Variants in CDH23 observed in about 807,000 individuals in gnomAD.
CDH23 encodes cadherin related 23, also known as cadherin-23.
A neutral mutation model predicts 317.1 loss-of-function variants in CDH23; 189 were observed. That is an observed-to-expected ratio of 0.60 (90% CI 0.53 to 0.67). The LOEUF (loss-of-function observed/expected upper bound fraction) is 0.67, where lower values mean the gene tolerates loss of function less well. CDH23 is among the 30% of genes least tolerant of loss of function. The probability of loss-of-function intolerance (pLI) is 0.00; values close to 1 mark genes in which losing one functional copy is unlikely to be tolerated. For synonymous variants in CDH23, 1,839 were observed against 1,876.8 expected (o/e 0.98, Z 0.52); for missense variants, 4,401 against 4,592.4 (o/e 0.96, Z 1.20).
chr10:71,469,048 A>G (rs1025307980), intron 3 of CDH23, among the ~76,000 whole-genome samples: 3 of 151,940 alleles, frequency 2.0e-5, no homozygotes, highest in Admixed American at 2.0e-4. Flanking sequence ...CCTAACACAC[A>G]ACCCTCCTGG....
At chr10:71,685,502 G>A (rs140535138) in intron 18 of CDH23, among the ~76,000 whole-genome samples, 29 of 152,302 alleles carry the variant, frequency 1.9e-4, no homozygotes, top group Non-Finnish European at 3.5e-4. Context: ...GTGACCAGCA[G>A]CCTCCCTCCC....
intron 16 of CDH23, 73 bp from the exon 17 acceptor site, chr10:71,679,314 C>G: frequency 4.4e-6 from 3 of 682,384 alleles, no homozygotes; most frequent in Non-Finnish European, 7.9e-6. Context: ...TCCCCACCCT[C>G]CCAGCTGCCC....
At chr10:71,593,368 T>C (rs1859628332) in intron 9 of CDH23, among the ~76,000 whole-genome samples, 1 of 152,074 alleles carries the variant, frequency 6.6e-6, no homozygotes, top group South Asian at 2.1e-4. Context: ...ACGTAAAATA[T>C]AAAGCTCATA....
intron 47 of CDH23, among the ~76,000 whole-genome samples, chr10:71,792,844 AAAAAAAAAATAT>A (rs1354901472): frequency 1.0e-4 from 7 of 70,076 alleles, no homozygotes; most frequent in East Asian, 1.3e-3. Flanking sequence ...AAAAAAAAAA[AAAAAAAAAATAT>A]ATATATATAT....
intron 38 of CDH23, among the ~76,000 whole-genome samples, chr10:71,768,068 T>C (rs1180478443): frequency 6.6e-6 from 1 of 152,248 alleles, no homozygotes; most frequent in Admixed American, 6.5e-5. Flanking sequence ...TTCTATGCTG[T>C]GAAGACGTCC....
intron 42 of CDH23, among the ~76,000 whole-genome samples, 192 bp from the exon 43 acceptor site, chr10:71,784,699 A>G (rs1032548097): frequency 2.2e-4 from 33 of 149,528 alleles, no homozygotes; most frequent in African/African-American, 7.9e-4. Flanking sequence ...TTCCCTCATC[A>G]TCCTCTTTTC....
At chr10:71,667,161 C>T (rs1182441274) in intron 14 of CDH23, among the ~76,000 whole-genome samples, 1 of 152,166 alleles carries the variant, frequency 6.6e-6, no homozygotes, top group East Asian at 1.9e-4. Flanking sequence ...AAGCCCCGTG[C>T]GGGGCATTCC....
At chr10:71,546,257 T>C (rs1856274194) in intron 6 of CDH23, among the ~76,000 whole-genome samples, 1 of 152,174 alleles carries the variant, frequency 6.6e-6, no homozygotes, top group Non-Finnish European at 1.5e-5. Context: ...CCAAAGCATC[T>C]TCCTCTCTAC....
At chr10:71,478,664 T>G (rs1247916842) in intron 3 of CDH23, among the ~76,000 whole-genome samples, 1 of 152,082 alleles carries the variant, frequency 6.6e-6, no homozygotes, top group African/African-American at 2.4e-5. Flanking sequence ...GGGGTCTGGA[T>G]CCCATGCCTC....
intron 11 of CDH23, among the ~76,000 whole-genome samples, chr10:71,643,310 G>T (rs1862655433): frequency 1.3e-5 from 2 of 152,196 alleles, no homozygotes. Context: ...GGGCTCAGGG[G>T]GAGAGGGAGA....
At chr10:71,638,334 C>T (rs1296414398) in intron 11 of CDH23, among the ~76,000 whole-genome samples, 2 of 152,148 alleles carry the variant, frequency 1.3e-5, no homozygotes, top group African/African-American at 2.4e-5. Flanking sequence ...ACAAACATCC[C>T]GGAGAGGCAA....
intron 11 of CDH23, among the ~76,000 whole-genome samples, chr10:71,629,354 A>G (rs1336610917): frequency 6.6e-6 from 1 of 152,204 alleles, no homozygotes; most frequent in Non-Finnish European, 1.5e-5. Context: ...GCCTGGGTGA[A>G]GTGAGAGGGC....
chr10:71,762,136 G>A, intron 38 of CDH23: 1 of 1,296,486 alleles, frequency 7.7e-7, no homozygotes, highest in Non-Finnish European at 1.0e-6. Flanking sequence ...ACAGGCCAGG[G>A]GCATGTCAGC....
At chr10:71,501,947 A>T (rs1051365560) in intron 3 of CDH23, among the ~76,000 whole-genome samples, 8 of 152,212 alleles carry the variant, frequency 5.3e-5, no homozygotes, top group Admixed American at 4.6e-4. Flanking sequence ...AACCCTGGCC[A>T]TACCCGTGGC....
intron 28 of CDH23, among the ~76,000 whole-genome samples, chr10:71,719,042 C>T (rs778295110): frequency 2.0e-5 from 3 of 151,970 alleles, no homozygotes; most frequent in South Asian, 2.1e-4. Flanking sequence ...CATGCCACTG[C>T]GCTACAGCCT....
chr10:71,766,083 C>T (rs1479273163), intron 38 of CDH23, among the ~76,000 whole-genome samples: 2 of 152,236 alleles, frequency 1.3e-5, no homozygotes, highest in African/African-American at 4.8e-5. Context: ...GCGGACTCCA[C>T]ATCTGTGCAC....
chr10:71,692,295 C>T (rs1865213078), intron 20 of CDH23, among the ~76,000 whole-genome samples: 1 of 152,216 alleles, frequency 6.6e-6, no homozygotes. Flanking sequence ...GCCCTTGCCT[C>T]CCCAGTCGGG....
At chr10:71,712,957 G>C (rs934203614) in intron 28 of CDH23, 144 bp downstream of exon 28, 14 of 984,464 alleles carry the variant, frequency 1.4e-5, no homozygotes, top group Non-Finnish European at 2.0e-5. Flanking sequence ...AGGTGCTGTG[G>C]GGAAAGGGGG....
chr10:71,622,746 C>T (rs912789128), intron 11 of CDH23, among the ~76,000 whole-genome samples: 2 of 152,204 alleles, frequency 1.3e-5, no homozygotes, highest in African/African-American at 4.8e-5. Context: ...CTTTCCTCTG[C>T]CTCACTCCTG....
Sources: allele counts gnomAD v4.1 joint callset (sites outside exome capture counted in the v4.1 genomes callset), GRCh38; gene constraint gnomAD v4.1.1; transcripts MANE v1.5; gene names NCBI Gene and HGNC (gene_info 2026-07-23, HGNC 2026-07-21).